Variants in SYNPO2 observed in about 807,000 individuals in gnomAD.
SYNPO2 encodes synaptopodin 2.
In SYNPO2, 56 loss-of-function variants were observed where a neutral mutation model predicts 85.0. The ratio of observed to expected loss-of-function variants is 0.66; its 90% CI spans 0.53 to 0.82. The LOEUF (loss-of-function observed/expected upper bound fraction) is 0.82. SYNPO2 is among the 40% of genes least tolerant of loss of function. SYNPO2 has a pLI of 0.00. For missense variants in SYNPO2, 1,575 were observed against 1,534.2 expected (o/e 1.03, Z -0.44); for synonymous variants, 602 against 591.1 (o/e 1.02, Z -0.27).
chr4:118,913,800 G>A (rs781160856), intron 1 of SYNPO2, among the ~76,000 whole-genome samples: 1 of 152,096 alleles, frequency 6.6e-6, no homozygotes, highest in Admixed American at 6.6e-5. Context: ...AAAGAACCAG[G>A]TTTAAAAGTC....
chr4:119,014,280 G>A (rs372383214), intron 1 of SYNPO2, among the ~76,000 whole-genome samples: 5 of 152,218 alleles, frequency 3.3e-5, no homozygotes, highest in Admixed American at 6.5e-5. Flanking sequence ...TGGGTGTGGC[G>A]GCACATGCCT....
rs1056979165 is a variant in SYNPO2 at position 119,031,861 on chromosome 4, C to T, written c.3086C>T (p.Ala1029Val). The change falls in exon 4 of 5, where the codon GCC becomes GTC. Residue 1029 changes from alanine to valine, a missense_variant. Ala to Val is a moderately conservative substitution (Grantham distance 64). Around this residue, in one of 3 missense-constraint regions of SYNPO2, gnomAD observed 1,508 missense variants for 1,446.8 expected, o/e 1.04. Transcript: ENST00000307142. Reference sequence around the variant, plus strand: ...GCTTCGTCAGTGTACTCGGTACCAGCCTATACCTCTCCTCCTTCCTTCTTT... The same window carrying T: ...GCTTCGTCAGTGTACTCGGTACCAGTCTATACCTCTCCTCCTTCCTTCTTT... The part of the protein sequence containing the change: ...VQASSVYSVP[A>V]YTSPPSFFAE... 2 of 1,614,106 alleles carry T rather than the reference C, an allele frequency of 1.2e-6. No homozygotes were observed. The highest frequency in any genetic ancestry group is 1.7e-5 in the Admixed American group (1 of 60,012).
At chr4:119,037,048 TG>T in intron 4 of SYNPO2, 1 of 1,455,700 alleles carries the variant, frequency 6.9e-7, no homozygotes. Context: ...TAAAGCTCCT[TG>T]TGTTTACCTC....
chr4:119,031,500 G>A lies in SYNPO2; in HGVS notation c.2725G>A (p.Ala909Thr). 1 of 1,614,030 alleles carries A rather than the reference G, an allele frequency of 6.2e-7. No individual in the cohort carries two copies. The highest frequency in any genetic ancestry group is 2.2e-5 in the East Asian group (1 of 44,864). Residue 909 changes from alanine (A) to threonine (T), a missense_variant, in exon 4 of 5, where the codon GCC becomes ACC. Coordinates refer to ENST00000307142, the MANE Select transcript of SYNPO2 (RefSeq NM_133477.3). Reference protein sequence around the residue: ...RAQSPTPSLPASWKYSSNVRA... With the variant: ...RAQSPTPSLPTSWKYSSNVRA... ...TCAGTCTCCCACTCCATCTCTCCCG[G>A]CCAGTTGGAAGTACTCCTCCAATGT...
intron 1 of SYNPO2, among the ~76,000 whole-genome samples, chr4:118,941,928 A>C (rs1301252040): frequency 6.6e-6 from 1 of 152,162 alleles, no homozygotes; most frequent in Non-Finnish European, 1.5e-5. Context: ...AGCCAGTTTT[A>C]ATAATTCTGG....
At chr4:118,972,993 A>C (rs1222899843) in intron 1 of SYNPO2, among the ~76,000 whole-genome samples, 1 of 152,150 alleles carries the variant, frequency 6.6e-6, no homozygotes, top group Non-Finnish European at 1.5e-5. Flanking sequence ...TTATAACTCA[A>C]CTTATGATGT....
At position 119,057,388 on chromosome 4, in the gene SYNPO2, T is replaced by C. The variant is rs749749242; in HGVS notation, c.3253-13T>C. ...AAATGAATGAGATATATTAATATTT[T>C]CATTGTTTTTAGGAGAGTGGGCGCT... is the stretch of plus-strand genomic sequence containing the variant. On this transcript the variant is annotated splice_polypyrimidine_tract_variant and intron_variant, in intron 4 of 4. Coordinates refer to ENST00000307142, the MANE Select transcript of SYNPO2 (RefSeq NM_133477.3). The C allele has an allele frequency of 1.4e-5, 22 of 1,550,960 alleles. No homozygotes were observed. Among genetic ancestry groups the C allele is most frequent in the Non-Finnish European group, 1.8e-5 (21 of 1,153,834 alleles).
chr4:118,981,016 C>G (rs1486112246), intron 1 of SYNPO2, among the ~76,000 whole-genome samples: 1 of 152,184 alleles, frequency 6.6e-6, no homozygotes, highest in Admixed American at 6.5e-5. Flanking sequence ...GGGCTTTTCC[C>G]ACAGCACCAA....
At chr4:118,931,909 T>C (rs981405378) in intron 1 of SYNPO2, among the ~76,000 whole-genome samples, 8 of 152,236 alleles carry the variant, frequency 5.3e-5, no homozygotes, top group Admixed American at 4.6e-4. Flanking sequence ...CGTCAGTCAG[T>C]AATTTGAATT....
chr4:118,923,248 A>C (rs937498319), intron 1 of SYNPO2, among the ~76,000 whole-genome samples: 1 of 152,140 alleles, frequency 6.6e-6, no homozygotes, highest in African/African-American at 2.4e-5. Context: ...TTTCAGCCAC[A>C]TGGATGGAGC....
chr4:118,985,484 C>T (rs1736185017), intron 1 of SYNPO2, among the ~76,000 whole-genome samples: 1 of 152,224 alleles, frequency 6.6e-6, no homozygotes, highest in Non-Finnish European at 1.5e-5. Context: ...CTTCTCTTCT[C>T]CCCTAAAACT....
intron 1 of SYNPO2, among the ~76,000 whole-genome samples, chr4:118,879,374 T>C (rs548001164): frequency 2.6e-5 from 4 of 152,280 alleles, no homozygotes; most frequent in South Asian, 2.1e-4. Context: ...ATATGTTGAA[T>C]CCTAAATCCC....
intron 1 of SYNPO2, among the ~76,000 whole-genome samples, chr4:118,999,418 C>T (rs1736740915): frequency 6.6e-6 from 1 of 152,086 alleles, no homozygotes; most frequent in African/African-American, 2.4e-5. Context: ...TCCCAAAGCG[C>T]TGGAATTATA....
intron 1 of SYNPO2, among the ~76,000 whole-genome samples, chr4:118,956,830 A>C (rs1277812424): frequency 6.6e-6 from 1 of 152,114 alleles, no homozygotes; most frequent in African/African-American, 2.4e-5. Flanking sequence ...AGATCACTTG[A>C]GGTCAGGAGT....
intron 1 of SYNPO2, among the ~76,000 whole-genome samples, chr4:118,875,219 T>C (rs965638156): frequency 1.3e-5 from 2 of 152,246 alleles, no homozygotes; most frequent in Non-Finnish European, 2.9e-5. Flanking sequence ...TGGTATTCCA[T>C]GGTGTATATG....
At position 119,031,442 on chromosome 4, in the gene SYNPO2, T is replaced by A. The variant is rs2149191407; in HGVS notation, c.2667T>A (p.Asp889Glu). ...CGAGAATGGAGAAGTATGTGGTCGA[T>A]TCAGACACGGTGCAGGCCCACGCTG... ...RQSRMEKYVVDSDTVQAHAAR... is the reference protein window; with the variant it reads ...RQSRMEKYVVESDTVQAHAAR... Residue 889 changes from aspartate (D) to glutamate (E), a missense_variant, in exon 4 of 5, where the codon GAT becomes GAA. By Grantham distance (45) the Asp-to-Glu change is conservative. This residue lies in a region of SYNPO2 where 1,508 missense variants were observed against 1,446.8 expected (regional missense o/e 1.04). Coordinates refer to ENST00000307142, the MANE Select transcript of SYNPO2 (RefSeq NM_133477.3). 6.2e-7 allele frequency: 1 copy of A among 1,614,132 alleles called. No individual in the cohort carries two copies. The highest frequency in any genetic ancestry group is 1.3e-5 in the African/African-American group (1 of 75,018).
intron 1 of SYNPO2, among the ~76,000 whole-genome samples, chr4:119,013,436 T>C (rs1237122673): frequency 1.3e-5 from 2 of 152,230 alleles, no homozygotes; most frequent in African/African-American, 2.4e-5. Flanking sequence ...TTGTTTGAAT[T>C]GCAAGCCATA....
At chr4:119,046,986 A>G (rs1440523093) in intron 4 of SYNPO2, among the ~76,000 whole-genome samples, 1 of 152,244 alleles carries the variant, frequency 6.6e-6, no homozygotes, top group Non-Finnish European at 1.5e-5. Flanking sequence ...CCAAGATGAT[A>G]TGCTACATAC....
intron 1 of SYNPO2, among the ~76,000 whole-genome samples, chr4:118,980,925 C>T (rs192821764): frequency 4.6e-5 from 7 of 152,300 alleles, no homozygotes; most frequent in African/African-American, 4.8e-5. Context: ...AATGGTTAAG[C>T]GACTTGCTCA....
Sources: allele counts gnomAD v4.1 joint callset (sites outside exome capture counted in the v4.1 genomes callset), GRCh38; gene constraint gnomAD v4.1.1; regional missense constraint gnomAD v4.1.1; transcripts MANE v1.5; gene names NCBI Gene and HGNC (gene_info 2026-07-23, HGNC 2026-07-21).